OR8B2: variants seen among roughly 807,000 people sequenced by gnomAD.
OR8B2 encodes olfactory receptor family 8 subfamily B member 2, also known as olfactory receptor 8B2.
For missense variants in OR8B2, 304 were observed against 379.6 expected, an observed-to-expected ratio of 0.80 and a Z score of 1.65; for synonymous variants, 98 against 138.2, an observed-to-expected ratio of 0.71 and a Z score of 2.04.
At chr11:124,396,192 C>G in the OR8B2 span, 1 of 511,950 alleles carries the variant, frequency 2.0e-6, no homozygotes, top group African/African-American at 1.9e-5. Flanking sequence ...TGCATATGTT[C>G]CTTTTACAAA....
the OR8B2 span, among the ~76,000 whole-genome samples, chr11:124,391,152 T>C: frequency 6.6e-6 from 1 of 152,074 alleles, no homozygotes; most frequent in Non-Finnish European, 1.5e-5. Context: ...TATGCTAATT[T>C]TTAAAATCAG....
At chr11:124,388,827 C>CTTTTT (rs145400784), upstream of OR8B2, among the ~76,000 whole-genome samples, 1 of 129,878 alleles carries the variant, frequency 7.7e-6, no homozygotes, top group Non-Finnish European at 1.7e-5. Context: ...GTGTGAAATT[C>CTTTTT]TTTTTTTTTT....
chr11:124,396,992 A>C, the OR8B2 span: 1 of 1,613,888 alleles, frequency 6.2e-7, no homozygotes, highest in South Asian at 1.1e-5. Context: ...CATAGCGATC[A>C]TATGCCATTG....
chr11:124,392,831 G>T, the OR8B2 span, among the ~76,000 whole-genome samples: 3 of 150,690 alleles, frequency 2.0e-5, no homozygotes, highest in Admixed American at 6.6e-5. Context: ...GAAGAACAAA[G>T]CTGGAGGCAT....
the OR8B2 span, among the ~76,000 whole-genome samples, chr11:124,393,151 C>T: frequency 5.0e-3 from 735 of 147,050 alleles, 61 homozygotes; most frequent in African/African-American, 0.018. Flanking sequence ...GACCTAAAAC[C>T]CCAAAAACCC....
the OR8B2 span, among the ~76,000 whole-genome samples, chr11:124,391,927 C>G: frequency 7.1e-6 from 1 of 141,650 alleles, no homozygotes; most frequent in African/African-American, 2.8e-5. Flanking sequence ...ATCAAGTGGG[C>G]TTCATCCCTG....
the OR8B2 span, chr11:124,395,978 G>A: frequency 6.4e-6 from 1 of 155,754 alleles, no homozygotes; most frequent in Admixed American, 6.4e-5. Flanking sequence ...ATTTGTAATG[G>A]AGACATTTCA....
At chr11:124,391,527 A>C in the OR8B2 span, among the ~76,000 whole-genome samples, 3 of 152,090 alleles carry the variant, frequency 2.0e-5, no homozygotes, top group Non-Finnish European at 4.4e-5. Flanking sequence ...GAAATGGATA[A>C]ATTCCTCGAC....
In OR8B2 at chr11:124,383,225, A is replaced by G. The variant is rs181240879; in HGVS notation, c.119T>C (p.Val40Ala). The G allele has an allele frequency of 1.7e-5, 28 of 1,613,990 alleles. No individual in the cohort carries two copies. The East Asian group carries it at 6.0e-4, about 35-fold the overall frequency. The part of the protein sequence containing the change: ...LFLVIYIVTM[V>A]GNLGLITLFG... ...AAGAGTGATCAAGCCAAGGTTGCCT[A>G]CCATGGTGACAATGTAGATCACTAG... The change falls in exon 2 of 2, where the codon GTA becomes GCA. Residue 40 changes from valine (V) to alanine (A), a missense_variant. Val to Ala is a moderately conservative substitution (Grantham distance 64, BLOSUM62 0). Transcript: ENST00000641451.
chr11:124,388,827 CTTTTT>C (rs145400784), upstream of OR8B2, among the ~76,000 whole-genome samples: 2 of 129,872 alleles, frequency 1.5e-5, no homozygotes, highest in Non-Finnish European at 1.7e-5. Context: ...GTGTGAAATT[CTTTTT>C]TTTTTTTTTT....
chr11:124,393,541 T>G, the OR8B2 span, among the ~76,000 whole-genome samples: 5 of 136,990 alleles, frequency 3.6e-5, no homozygotes, highest in African/African-American at 1.5e-4. Flanking sequence ...ATCAGAGAAA[T>G]GCAAATCAAA....
upstream of OR8B2, among the ~76,000 whole-genome samples, chr11:124,386,592 AT>A (rs1207510825): frequency 4.2e-4 from 64 of 150,864 alleles, 1 homozygote; most frequent in African/African-American, 1.5e-3. Flanking sequence ...TGAACTCATC[AT>A]TTTTTATGGC....
the OR8B2 span, among the ~76,000 whole-genome samples, chr11:124,392,782 C>G: frequency 0.12 from 18,129 of 149,734 alleles, 1,172 homozygotes; most frequent in South Asian, 0.18. Context: ...TCACATGGAA[C>G]CAAAAAAGAG....
At chr11:124,386,659 G>A (rs1026642202), upstream of OR8B2, among the ~76,000 whole-genome samples, 15 of 151,704 alleles carry the variant, frequency 9.9e-5, no homozygotes, top group Non-Finnish European at 1.6e-4. Flanking sequence ...GTCTATCATT[G>A]TTGGACATTT....
chr11:124,385,261 G>A (rs1476002834), upstream of OR8B2, among the ~76,000 whole-genome samples: 2 of 152,044 alleles, frequency 1.3e-5, no homozygotes, highest in Non-Finnish European at 1.5e-5. Context: ...TTTCCCGGTA[G>A]GTAGGAATTT....
chr11:124,396,934 C>A, the OR8B2 span: 1 of 1,608,060 alleles, frequency 6.2e-7, no homozygotes, highest in African/African-American at 1.3e-5. Flanking sequence ...ATAGAACAGA[C>A]CTGATGGGAC....
In OR8B2 at chr11:124,382,616, G is replaced by A; in HGVS notation, c.728C>T (p.Ser243Phe). The change falls in exon 2 of 2, where the codon TCT (serine) becomes TTT (phenylalanine). Residue 243 changes from serine (S) to phenylalanine (F), a missense_variant. Physicochemically the swap from Ser to Phe is radical, Grantham distance 155. Coordinates refer to ENST00000641451, the MANE Select transcript of OR8B2 (RefSeq NM_001005468.2). ...AAACAGAGACAGAGCAATGACATGAGAGCTACAAGTACTGAAGGCTTTTGA... is the reference window on the plus strand; with the variant it reads ...AAACAGAGACAGAGCAATGACATGAAAGCTACAAGTACTGAAGGCTTTTGA... ...GRSKAFSTCSSHVIALSLFFG... is the reference protein window; with the variant it reads ...GRSKAFSTCSFHVIALSLFFG... The A allele has an allele frequency of 6.2e-7, 1 of 1,612,226 alleles. No individual in the cohort carries two copies. The highest frequency in any genetic ancestry group is 8.5e-7 in the Non-Finnish European group (1 of 1,178,980).
upstream of OR8B2, among the ~76,000 whole-genome samples, chr11:124,384,662 G>T (rs557999142): frequency 6.6e-6 from 1 of 152,138 alleles, no homozygotes; most frequent in African/African-American, 2.4e-5. Flanking sequence ...CATGGCATTT[G>T]CTCAAGGCTC....
At chr11:124,390,682 C>G in the OR8B2 span, among the ~76,000 whole-genome samples, 1 of 151,868 alleles carries the variant, frequency 6.6e-6, no homozygotes, top group African/African-American at 2.4e-5. Context: ...TATATAGTTA[C>G]AAATATTTTT....
Sources: allele counts gnomAD v4.1 joint callset (sites outside exome capture counted in the v4.1 genomes callset), GRCh38; gene constraint gnomAD v4.1.1; transcripts MANE v1.5; gene names NCBI Gene and HGNC (gene_info 2026-07-23, HGNC 2026-07-21).